The following PRKG1 variants were observed in gnomAD, a reference collection of about 807,000 sequenced individuals.
PRKG1 encodes the protein protein kinase cGMP-dependent 1, also known as cGMP-dependent protein kinase 1.
PRKG1 carries 35 observed loss-of-function variants against 88.1 expected under a neutral mutation model. The observed-to-expected ratio is 0.40, with a 90% CI of 0.30 to 0.53. The LOEUF (loss-of-function observed/expected upper bound fraction) is 0.53. Among genes scored for constraint, PRKG1 ranks in the 20% least tolerant of loss-of-function variants. PRKG1 has a pLI of 0.59. For missense variants in PRKG1, 540 were observed against 839.8 expected (o/e 0.64, Z 4.41); for synonymous variants, 303 against 292.5 (o/e 1.04, Z -0.37).
At chr10:52,013,418 C>CA (rs200943011) in intron 5 of PRKG1, among the ~76,000 whole-genome samples, 23,062 of 109,470 alleles carry the variant, frequency 0.21, 2,439 homozygotes, top group East Asian at 0.36. Context: ...GACTCCGTCT[C>CA]AAAAAAAAAA....
intron 5 of PRKG1, among the ~76,000 whole-genome samples, chr10:51,930,057 C>T (rs1270529739): frequency 6.6e-6 from 1 of 152,178 alleles, no homozygotes; most frequent in Non-Finnish European, 1.5e-5. Flanking sequence ...AAAGTTCACT[C>T]CATGTGGTGG....
chr10:51,392,150 A>G (rs576002075), intron 2 of PRKG1, among the ~76,000 whole-genome samples: 1 of 144,450 alleles, frequency 6.9e-6, no homozygotes, highest in South Asian at 2.2e-4. Flanking sequence ...TTTTTTTTTT[A>G]ATTGATCATT....
At chr10:51,104,919 TG>T (rs1037495874) in intron 1 of PRKG1, among the ~76,000 whole-genome samples, 8 of 152,104 alleles carry the variant, frequency 5.3e-5, no homozygotes, top group Non-Finnish European at 1.0e-4. Context: ...TTAGTAGAGA[TG>T]GGTTTTCACC....
Position 51,704,685 on chromosome 10 carries a change from C to T in PRKG1, c.593-99900C>T, listed in dbSNP as rs548979830. ...TAAACCAGAAGCTAGTAATAGCCAA[C>T]GCAAGAAATTGGGACCTGGTGTTTT... On this transcript the variant is annotated intron_variant, in intron 3 of 17. Coordinates refer to ENST00000373980, the MANE Select transcript of PRKG1 (RefSeq NM_006258.4). Among the ~76,000 whole-genome samples the T allele has an allele frequency of 1.5e-3, 234 of 152,194 alleles. 1 individual carries two copies. The highest frequency in any genetic ancestry group is 5.3e-3 in the African/African-American group (221 of 41,508).
At chr10:51,978,436 C>CTTTTTTTTTTT (rs34946662) in intron 5 of PRKG1, among the ~76,000 whole-genome samples, 107 of 134,284 alleles carry the variant, frequency 8.0e-4, no homozygotes, top group African/African-American at 2.8e-3. Flanking sequence ...CATTCGGGCT[C>CTTTTTTTTTTT]TTTTTTTTTT....
intron 2 of PRKG1, among the ~76,000 whole-genome samples, chr10:51,266,927 A>G (rs962979204): frequency 1.3e-5 from 2 of 152,196 alleles, no homozygotes; most frequent in Admixed American, 1.3e-4. Flanking sequence ...AACCTATCAT[A>G]GGATCTGATT....
chr10:51,176,787 A>T (rs1367266822), intron 2 of PRKG1, among the ~76,000 whole-genome samples: 1 of 152,152 alleles, frequency 6.6e-6, no homozygotes, highest in Non-Finnish European at 1.5e-5. Flanking sequence ...TTGGAGTATG[A>T]TGGAGATGGA....
At chr10:51,521,431 G>T (rs10823125) in intron 3 of PRKG1, among the ~76,000 whole-genome samples, 34,716 of 152,132 alleles carry the variant, frequency 0.23, 5,238 homozygotes, top group East Asian at 0.79. Context: ...TATATGAAAG[G>T]TGAAGGCTGT....
chr10:52,153,892 T>C (rs75181362), intron 8 of PRKG1, among the ~76,000 whole-genome samples: 2,875 of 152,080 alleles, frequency 0.019, 64 homozygotes, highest in East Asian at 0.059. Context: ...ATTACAGGCA[T>C]GGACTACCAT....
intron 2 of PRKG1, among the ~76,000 whole-genome samples, chr10:51,219,502 G>A (rs1004298162): frequency 3.9e-5 from 6 of 151,948 alleles, no homozygotes; most frequent in Non-Finnish European, 5.9e-5. Context: ...AAGGTCAGGG[G>A]TTTGAGACCA....
chr10:51,922,371 C>T (rs2879629), intron 5 of PRKG1, among the ~76,000 whole-genome samples: 91,901 of 151,182 alleles, frequency 0.61, 29,441 homozygotes, highest in African/African-American at 0.83. Context: ...ATTTTCTCTA[C>T]TGTGTTTTTG....
chr10:52,001,623 T>C (rs188735537), intron 5 of PRKG1, among the ~76,000 whole-genome samples: 152 of 152,038 alleles, frequency 1.0e-3, no homozygotes, highest in Non-Finnish European at 1.9e-3. Flanking sequence ...TATAAGACTC[T>C]CTATCTTAAT....
intron 3 of PRKG1, among the ~76,000 whole-genome samples, chr10:51,727,756 G>T (rs1322996965): frequency 6.6e-6 from 1 of 152,104 alleles, no homozygotes; most frequent in Non-Finnish European, 1.5e-5. Flanking sequence ...GTAAATGACT[G>T]TTTAAACCTA....
intron 1 of PRKG1, among the ~76,000 whole-genome samples, chr10:51,126,294 A>T (rs1485060774): frequency 3.1e-5 from 2 of 64,286 alleles, no homozygotes; most frequent in African/African-American, 5.9e-5. Context: ...TTTATATATA[A>T]ATATTTATAT....
chr10:51,337,181 A>G (rs907324708), intron 2 of PRKG1, among the ~76,000 whole-genome samples: 3 of 152,218 alleles, frequency 2.0e-5, no homozygotes, highest in East Asian at 1.9e-4. Flanking sequence ...TATTTAATAA[A>G]TGGTGCTTAG....
intron 5 of PRKG1, among the ~76,000 whole-genome samples, chr10:52,052,684 C>A (rs186032205): frequency 6.6e-6 from 1 of 152,030 alleles, no homozygotes; most frequent in Non-Finnish European, 1.5e-5. Flanking sequence ...AAGAGGAAAC[C>A]CCTTATAAAA....
At chr10:51,042,554 G>T (rs978908438) in intron 1 of PRKG1, among the ~76,000 whole-genome samples, 2 of 152,192 alleles carry the variant, frequency 1.3e-5, no homozygotes, top group Non-Finnish European at 2.9e-5. Flanking sequence ...AACAGAGAAT[G>T]TTGCTACAGA....
At chr10:51,462,219 TAATAGTC>T (rs761861074) in intron 2 of PRKG1, among the ~76,000 whole-genome samples, 1 of 152,204 alleles carries the variant, frequency 6.6e-6, no homozygotes, top group Non-Finnish European at 1.5e-5. Flanking sequence ...TGGTTCCCTT[TAATAGTC>T]AATCAAGTTG....
chr10:51,177,345 G>T (rs901103267), intron 2 of PRKG1, among the ~76,000 whole-genome samples: 5 of 152,140 alleles, frequency 3.3e-5, no homozygotes, highest in Non-Finnish European at 7.4e-5. Flanking sequence ...CCTTATGTAA[G>T]ATCTAAGTAA....
Sources: gnomAD v4.1 joint callset for allele counts (sites outside exome capture counted in the v4.1 genomes callset) on GRCh38, gnomAD v4.1.1 for gene constraint, MANE v1.5 for transcripts, NCBI Gene and HGNC (gene_info 2026-07-23, HGNC 2026-07-21) for gene names.